Variants in FGGY observed in about 807,000 individuals in gnomAD.
FGGY encodes FGGY carbohydrate kinase domain-containing protein.
FGGY carries 72 observed loss-of-function variants against 71.3 expected under a neutral mutation model. The observed-to-expected ratio is 1.01, with a 90% CI of 0.84 to 1.23. The LOEUF is 1.23. Among genes scored for constraint, FGGY ranks in the 50% most tolerant of loss-of-function variants. The pLI, the probability that FGGY is intolerant of heterozygous loss-of-function variation, is 0.00. For synonymous variants in FGGY, 251 were observed against 250.3 expected, an observed-to-expected ratio of 1.00 and a Z score of -0.02; for missense variants, 668 against 682.3, an observed-to-expected ratio of 0.98 and a Z score of 0.23.
chr1:59,733,508 A>G (rs2098067467), intron 14 of FGGY, among the ~76,000 whole-genome samples: 1 of 151,810 alleles, frequency 6.6e-6, no homozygotes. Context: ...TTCACATCTC[A>G]GGTGTAAATG....
rs572987110 is a variant in FGGY, at chr1:59,633,317, C to T, written c.1074-4911C>T. On this transcript the variant is annotated intron_variant, in intron 10 of 15. Coordinates refer to ENST00000303721, the MANE Select transcript of FGGY (RefSeq NM_018291.5). ...GAGCCACTGCGCCCGACCTATTATA[C>T]GTTTCTTTGGTTTCTGTTTTGCATG... 1.3e-4 allele frequency among the ~76,000 whole-genome samples: 20 copies of T among 152,162 alleles called. No homozygotes were observed. In the East Asian group the frequency reaches 3.7e-3, roughly 28 times the overall value.
At position 59,407,578 on chromosome 1, in the gene FGGY, G is replaced by A. The variant is rs181965420; in HGVS notation, c.554+28741G>A. The stretch of plus-strand genomic sequence containing the variant: ...AGAGAGAAAAAAAAATATTCTGATA[G>A]TTATCCTGACCAGGCTCTAACAGGG... On this transcript the variant is annotated intron_variant, in intron 5 of 15. Transcript: ENST00000303721. 3.3e-3 allele frequency among the ~76,000 whole-genome samples: 509 copies of A among 152,208 alleles called. 1 individual carries two copies. The highest frequency in any genetic ancestry group is 0.011 in the African/African-American group (475 of 41,540).
intron 6 of FGGY, among the ~76,000 whole-genome samples, chr1:59,488,820 G>C (rs2093735633): frequency 6.6e-6 from 1 of 151,702 alleles, no homozygotes; most frequent in South Asian, 2.1e-4. Flanking sequence ...TCCAGTAATG[G>C]ATTTACCAAG....
At chr1:59,712,890 T>C (rs2097807332) in intron 14 of FGGY, among the ~76,000 whole-genome samples, 1 of 152,252 alleles carries the variant, frequency 6.6e-6, no homozygotes, top group Non-Finnish European at 1.5e-5. Flanking sequence ...TATGCAAATT[T>C]CTGCAGCCGG....
At chr1:59,390,085 G>A (rs1223983841) in intron 5 of FGGY, among the ~76,000 whole-genome samples, 1 of 152,078 alleles carries the variant, frequency 6.6e-6, no homozygotes, top group Non-Finnish European at 1.5e-5. Flanking sequence ...GTTCTAGGAA[G>A]GATTCAGTCA....
chr1:59,465,983 T>A (rs1009609295), intron 6 of FGGY, among the ~76,000 whole-genome samples: 1 of 152,192 alleles, frequency 6.6e-6, no homozygotes, highest in Non-Finnish European at 1.5e-5. Context: ...AATGACTTTC[T>A]TCACAGAACT....
intron 7 of FGGY, among the ~76,000 whole-genome samples, chr1:59,542,444 A>AC (rs2095455980): frequency 2.6e-5 from 1 of 38,922 alleles, no homozygotes; most frequent in Non-Finnish European, 5.4e-5. Flanking sequence ...TATGTTCTTT[A>AC]CTTTTTTTTT....
At chr1:59,330,145 T>C (rs2048191474) in intron 2 of FGGY, among the ~76,000 whole-genome samples, 1 of 152,200 alleles carries the variant, frequency 6.6e-6, no homozygotes, top group Admixed American at 6.5e-5. Flanking sequence ...AAATCAAGAA[T>C]AAAATACCAT....
chr1:59,436,313 A>C (rs910044561), intron 5 of FGGY, among the ~76,000 whole-genome samples: 1 of 151,670 alleles, frequency 6.6e-6, no homozygotes, highest in Non-Finnish European at 1.5e-5. Context: ...CTGTCTCTTC[A>C]TTGTCCCTGA....
At chr1:59,713,815 T>C (rs2097820626) in intron 14 of FGGY, among the ~76,000 whole-genome samples, 1 of 152,368 alleles carries the variant, frequency 6.6e-6, no homozygotes, top group East Asian at 1.9e-4. Flanking sequence ...TTCACTATCA[T>C]CAGAAAGGCT....
intron 6 of FGGY, among the ~76,000 whole-genome samples, chr1:59,503,050 C>T (rs575658305): frequency 1.6e-4 from 25 of 152,286 alleles, no homozygotes; most frequent in African/African-American, 4.8e-4. Flanking sequence ...AGTAGGAAGA[C>T]GCCATACCAT....
intron 14 of FGGY, among the ~76,000 whole-genome samples, chr1:59,754,192 G>A (rs2098270882): frequency 6.6e-6 from 1 of 152,158 alleles, no homozygotes; most frequent in South Asian, 2.1e-4. Context: ...GTCATAATGG[G>A]CTTCATGCTC....
At chr1:59,328,666 A>G (rs1030056338) in intron 2 of FGGY, among the ~76,000 whole-genome samples, 1 of 152,092 alleles carries the variant, frequency 6.6e-6, no homozygotes, top group Non-Finnish European at 1.5e-5. Context: ...GGCTTTCCCT[A>G]TGCCTACTTG....
intron 5 of FGGY, among the ~76,000 whole-genome samples, chr1:59,426,493 G>T (rs1377821619): frequency 6.6e-6 from 1 of 152,128 alleles, no homozygotes; most frequent in Non-Finnish European, 1.5e-5. Flanking sequence ...CAGTAATTCA[G>T]GACTGAAAAA....
chr1:59,735,879 T>C (rs1265440089), intron 14 of FGGY, among the ~76,000 whole-genome samples: 1 of 152,180 alleles, frequency 6.6e-6, no homozygotes, highest in East Asian at 1.9e-4. Context: ...TATGCTGTGC[T>C]CAGGAGCTGG....
chr1:59,363,201 A>G (rs536394484), intron 4 of FGGY, among the ~76,000 whole-genome samples: 1 of 152,336 alleles, frequency 6.6e-6, no homozygotes, highest in Non-Finnish European at 1.5e-5. Flanking sequence ...CTACCAATGA[A>G]CAAAGTGAGA....
At chr1:59,446,185 G>A (rs372098033) in intron 5 of FGGY, among the ~76,000 whole-genome samples, 8 of 152,062 alleles carry the variant, frequency 5.3e-5, no homozygotes, top group Non-Finnish European at 8.8e-5. Context: ...ATCCAAATCC[G>A]TGAATCCAGG....
At chr1:59,466,550 C>T (rs2092640675) in intron 6 of FGGY, among the ~76,000 whole-genome samples, 1 of 152,118 alleles carries the variant, frequency 6.6e-6, no homozygotes, top group African/African-American at 2.4e-5. Flanking sequence ...AAAGAAACTA[C>T]CATCAGAGTG....
chr1:59,391,505 A>G (rs1020864160), intron 5 of FGGY, among the ~76,000 whole-genome samples: 2 of 152,184 alleles, frequency 1.3e-5, no homozygotes, highest in African/African-American at 2.4e-5. Context: ...AAGTCTGAGG[A>G]AGGTTGAGGT....
Sources: allele counts gnomAD v4.1 joint callset (sites outside exome capture counted in the v4.1 genomes callset), GRCh38; gene constraint gnomAD v4.1.1; transcripts MANE v1.5; gene names NCBI Gene and HGNC (gene_info 2026-07-23, HGNC 2026-07-21).